The following EVL variants were observed in gnomAD, a reference collection of about 807,000 sequenced individuals.
EVL encodes the protein Enah/Vasp-like.
A neutral mutation model predicts 59.6 loss-of-function variants in EVL; 21 were observed. The observed-to-expected ratio is 0.35, with a 90% CI of 0.25 to 0.51. EVL has a LOEUF of 0.51. EVL is among the 20% of genes least tolerant of loss of function. The pLI is 0.97. For missense variants in EVL, 462 were observed against 546.6 expected (o/e 0.85, Z 1.54); for synonymous variants, 198 against 203.5 (o/e 0.97, Z 0.23).
intron 2 of EVL, among the ~76,000 whole-genome samples, chr14:100,086,723 T>G (rs2062451538): frequency 6.6e-6 from 1 of 152,228 alleles, no homozygotes; most frequent in Non-Finnish European, 1.5e-5. Context: ...CTGTTTAAAT[T>G]TGGAGGGCTG....
chr14:99,986,602 C>T (rs2060841826), intron 1 of EVL, among the ~76,000 whole-genome samples: 1 of 152,144 alleles, frequency 6.6e-6, no homozygotes, highest in Admixed American at 6.6e-5. Context: ...GTGAAGTGCA[C>T]ATATGGTAAT....
intron 1 of EVL, among the ~76,000 whole-genome samples, chr14:100,036,977 A>G (rs1001061142): frequency 6.6e-6 from 1 of 152,200 alleles, no homozygotes; most frequent in African/African-American, 2.4e-5. Flanking sequence ...CTCAGAGGAA[A>G]GGCCCTCTAA....
intron 1 of EVL, among the ~76,000 whole-genome samples, chr14:100,054,323 G>A (rs2061693720): frequency 6.6e-6 from 1 of 152,098 alleles, no homozygotes; most frequent in Non-Finnish European, 1.5e-5. Flanking sequence ...AAAGTGCTGG[G>A]AATACAGGCG....
chr14:100,124,380 C>T (rs562919738), intron 4 of EVL, among the ~76,000 whole-genome samples: 6 of 152,346 alleles, frequency 3.9e-5, no homozygotes, highest in South Asian at 4.1e-4. Flanking sequence ...GGACTTCTCC[C>T]AAGACCTCCT....
chr14:100,048,488 G>A (rs1595092782), intron 1 of EVL, among the ~76,000 whole-genome samples: 1 of 152,138 alleles, frequency 6.6e-6, no homozygotes, highest in Non-Finnish European at 1.5e-5. Flanking sequence ...CAGTGCCTTG[G>A]GGGTGCAGAG....
chr14:100,120,076 T>C (rs76638520), intron 3 of EVL, among the ~76,000 whole-genome samples: 5,055 of 152,274 alleles, frequency 0.033, 294 homozygotes, highest in African/African-American at 0.12. Context: ...TCTGTGACTT[T>C]AGTTTGTCCC....
chr14:100,019,490 C>T (rs1158050168), intron 1 of EVL: 13 of 545,676 alleles, frequency 2.4e-5, no homozygotes, highest in Non-Finnish European at 2.8e-5. Context: ...CAGCAGCTGG[C>T]GGAGCTGGAG....
intron 1 of EVL, among the ~76,000 whole-genome samples, chr14:100,010,326 G>T: frequency 6.6e-6 from 1 of 152,174 alleles, no homozygotes; most frequent in Non-Finnish European, 1.5e-5. Context: ...GTGACTCCTA[G>T]ACCCCTTAGG....
At chr14:100,019,836 G>A in intron 1 of EVL, 1 of 764,334 alleles carries the variant, frequency 1.3e-6, no homozygotes, top group Non-Finnish European at 2.1e-6. Flanking sequence ...CCAGTCATGG[G>A]GGTGGGAGGT....
intron 1 of EVL, among the ~76,000 whole-genome samples, chr14:99,992,439 G>A (rs2060881663): frequency 6.6e-6 from 1 of 152,142 alleles, no homozygotes; most frequent in South Asian, 2.1e-4. Flanking sequence ...TTGTGCAGAA[G>A]TTTTAAATAT....
intron 7 of EVL, 71 bp downstream of exon 7, chr14:100,129,755 C>G: frequency 2.1e-6 from 3 of 1,450,742 alleles, no homozygotes; most frequent in South Asian, 1.4e-5. Context: ...CAGCGCTGCA[C>G]AGAGAATCCT....
At chr14:100,022,353 C>G (rs1053699643) in intron 1 of EVL, among the ~76,000 whole-genome samples, 4 of 151,434 alleles carry the variant, frequency 2.6e-5, no homozygotes, top group African/African-American at 9.7e-5. Flanking sequence ...TCTCAGCTCA[C>G]TGCAACCTCT....
In EVL at chr14:100,072,040, C is replaced by T. The variant is rs926603665; in HGVS notation, c.11+6529C>T. On this transcript the variant is annotated intron_variant, in intron 1 of 13. Transcript: ENST00000392920. ...GATCTGGCAGTCACCTCTTAACCAACCTACAGTCTACATTCAGTTGGCCTG... is the reference window on the plus strand; with the variant it reads ...GATCTGGCAGTCACCTCTTAACCAATCTACAGTCTACATTCAGTTGGCCTG... Among the ~76,000 whole-genome samples, 28 of 152,264 alleles carry T rather than the reference C, an allele frequency of 1.8e-4. 1 individual carries two copies. In the South Asian group the frequency reaches 5.8e-3, roughly 32 times the overall value.
intron 9 of EVL, among the ~76,000 whole-genome samples, chr14:100,136,832 C>T (rs563532963): frequency 2.6e-5 from 4 of 152,306 alleles, no homozygotes; most frequent in South Asian, 2.1e-4. Flanking sequence ...GAGTGGGCTA[C>T]GTGGTTCCCA....
chr14:100,123,592 A>G lies in EVL; in HGVS notation c.412A>G (p.Ile138Val). The part of the protein sequence containing the change: ...QNGPSPDEMD[I>V]QRRQVMEQHQ... The stretch of plus-strand genomic sequence containing the variant: ...TGGCCCCTCTCCTGATGAGATGGAC[A>G]TCCAGAGAAGGTAACCCAGCACCCG... The change falls in exon 4 of 14, where the codon ATC (isoleucine) becomes GTC (valine). Residue 138 changes from isoleucine to valine, a missense_variant. Coordinates refer to ENST00000392920, the MANE Select transcript of EVL (RefSeq NM_016337.3). The G allele has an allele frequency of 6.2e-7, 1 of 1,614,076 alleles. No individual in the cohort carries two copies. The highest frequency in any genetic ancestry group is 8.5e-7 in the Non-Finnish European group (1 of 1,179,996).
In EVL at chr14:100,038,005, G is replaced by A. The variant is rs148805624; in HGVS notation, c.6-46682G>A. 6.0e-3 allele frequency among the ~76,000 whole-genome samples: 921 copies of A among 152,288 alleles called. 4 individuals carry two copies. Among genetic ancestry groups the A allele is most frequent in the Non-Finnish European group, 9.5e-3 (645 of 68,020 alleles). On this transcript the variant is annotated intron_variant, in intron 1 of 13. Transcript: ENST00000402714. Reference sequence around the variant, plus strand: ...ACCTAGACAGGGTCAGAGCTTGGTTGTGATCACCAGGTTAGTTAGCAACAG... The same window carrying A: ...ACCTAGACAGGGTCAGAGCTTGGTTATGATCACCAGGTTAGTTAGCAACAG...
chr14:100,041,085 T>C (rs2061460643), intron 1 of EVL, among the ~76,000 whole-genome samples: 1 of 152,180 alleles, frequency 6.6e-6, no homozygotes, highest in Non-Finnish European at 1.5e-5. Flanking sequence ...CAGAAATGTG[T>C]ACTTAGAAAC....
At chr14:100,077,877 A>G (rs567290146) in intron 1 of EVL, among the ~76,000 whole-genome samples, 4 of 152,210 alleles carry the variant, frequency 2.6e-5, no homozygotes, top group South Asian at 4.1e-4. Context: ...GGTTCACGCC[A>G]TTCTCCTGCC....
intron 1 of EVL, among the ~76,000 whole-genome samples, chr14:99,989,189 C>T (rs1214827509): frequency 2.0e-5 from 3 of 152,158 alleles, no homozygotes; most frequent in African/African-American, 7.2e-5. Context: ...GAGAGACACA[C>T]TTTGTGATCC....
Sources: allele counts gnomAD v4.1 joint callset (sites outside exome capture counted in the v4.1 genomes callset), GRCh38; gene constraint gnomAD v4.1.1; transcripts MANE v1.5; gene names NCBI Gene and HGNC (gene_info 2026-07-23, HGNC 2026-07-21).